COTL1: variants seen among roughly 807,000 people sequenced by gnomAD.
COTL1 encodes the protein coactosin like F-actin binding protein 1, also known as coactosin-like protein.
A neutral mutation model predicts 16.5 loss-of-function variants in COTL1; 15 were observed. That is an observed-to-expected ratio of 0.91 (90% CI 0.61 to 1.40). The LOEUF (loss-of-function observed/expected upper bound fraction) is 1.40, where lower values mean the gene tolerates loss of function less well. COTL1 is among the 40% of genes most tolerant of loss of function. The pLI is 0.00. For synonymous variants in COTL1, 112 were observed against 85.3 expected (o/e 1.31, Z -1.73); for missense variants, 220 against 201.5 (o/e 1.09, Z -0.56).
At chr16:84,607,602 C>A (rs917465903) in intron 2 of COTL1, among the ~76,000 whole-genome samples, 37 of 152,230 alleles carry the variant, frequency 2.4e-4, no homozygotes, top group Non-Finnish European at 5.0e-4. Context: ...AGGTCAGCAT[C>A]GTGTGTGTTG....
intron 2 of COTL1, among the ~76,000 whole-genome samples, chr16:84,598,346 C>A (rs528355796): frequency 1.6e-4 from 25 of 152,144 alleles, no homozygotes; most frequent in Non-Finnish European, 2.8e-4. Context: ...ACCTAGAAGC[C>A]CCAGGCAGGG....
Position 84,590,407 on chromosome 16 carries a change from G to T in COTL1, c.161-145C>A. On this transcript the variant is annotated intron_variant, in intron 2 of 3. Coordinates refer to ENST00000262428, the MANE Select transcript of COTL1 (RefSeq NM_021149.5). This position sits in a 1 kb window ranked among gnomAD's most constrained non-coding sequence, Gnocchi z 5.5. ...GTTCCCTGGGAGCACCATGTGCAGA[G>T]GACAGGAGGGAAGCACTCATCCGCT... The T allele has an allele frequency of 1.2e-6, 1 of 841,854 alleles. No homozygotes were observed. Among genetic ancestry groups the T allele is most frequent in the Non-Finnish European group, 1.8e-6 (1 of 556,462 alleles). The allele number at this position is 841,854 out of a possible 1,614,324, so 52.1% of individuals were successfully genotyped here.
intron 3 of COTL1, among the ~76,000 whole-genome samples, chr16:84,585,304 G>C (rs577077639): frequency 6.8e-6 from 1 of 147,700 alleles, no homozygotes; most frequent in African/African-American, 2.5e-5. Context: ...GCAGTGAGCT[G>C]AGATTGTGCC....
chr16:84,599,831 G>C (rs956573213), intron 2 of COTL1, among the ~76,000 whole-genome samples: 1 of 152,170 alleles, frequency 6.6e-6, no homozygotes, highest in African/African-American at 2.4e-5. Flanking sequence ...TCCCTGGAGC[G>C]AGGATGAAAG....
In COTL1 at chr16:84,590,282, G is replaced by C. The variant is rs1179774266; in HGVS notation, c.161-20C>G. The C allele has an allele frequency of 6.2e-7, 1 of 1,612,440 alleles. No individual in the cohort carries two copies. Among genetic ancestry groups the C allele is most frequent in the African/African-American group, 1.3e-5 (1 of 74,924 alleles). On this transcript the variant is annotated intron_variant, in intron 2 of 3. Coordinates refer to ENST00000262428, the MANE Select transcript of COTL1 (RefSeq NM_021149.5). This position sits in a 1 kb window ranked among gnomAD's most constrained non-coding sequence, Gnocchi z 5.5. ...CGTCATCTGTGGCCAAAAGCGAAAAGAGAACATGGTGCTGCGTTAAAACAC... is the reference window on the plus strand; with the variant it reads ...CGTCATCTGTGGCCAAAAGCGAAAACAGAACATGGTGCTGCGTTAAAACAC...
intron 2 of COTL1, among the ~76,000 whole-genome samples, chr16:84,599,310 G>A (rs1410663899): frequency 6.6e-6 from 1 of 152,206 alleles, no homozygotes; most frequent in Non-Finnish European, 1.5e-5. Flanking sequence ...TCTGCTATGG[G>A]TCGAGCACTG....
rs1184809630 is a variant in COTL1, at chr16:84,566,255, A to G, written c.*590T>C. On this transcript the variant is annotated 3_prime_UTR_variant, in exon 4 of 4. Coordinates refer to ENST00000262428, the MANE Select transcript of COTL1 (RefSeq NM_021149.5). ...GCAATCCTGCCTATGCTGGACATGCATCTTAGGCAACTCCGGATGGAGGTG... is the reference window on the plus strand; with the variant it reads ...GCAATCCTGCCTATGCTGGACATGCGTCTTAGGCAACTCCGGATGGAGGTG... The G allele has an allele frequency of 1.3e-5, 2 of 152,900 alleles. No homozygotes were observed. The highest frequency in any genetic ancestry group is 2.9e-5 in the Non-Finnish European group (2 of 68,282). The allele number at this position is 152,900 out of a possible 1,614,324, so 9.5% of individuals were successfully genotyped here.
intron 2 of COTL1, among the ~76,000 whole-genome samples, chr16:84,599,085 C>A (rs572803035): frequency 8.9e-4 from 134 of 151,184 alleles, no homozygotes; most frequent in South Asian, 3.4e-3. Flanking sequence ...GCCCCTCCCC[C>A]CCTTCCCCCT....
At chr16:84,614,348 G>C (rs968846023) in intron 2 of COTL1, among the ~76,000 whole-genome samples, 1 of 152,140 alleles carries the variant, frequency 6.6e-6, no homozygotes, top group Non-Finnish European at 1.5e-5. Context: ...GGATGAGTGC[G>C]GGGGTGGGAG....
chr16:84,608,824 T>C (rs910618402), intron 2 of COTL1, among the ~76,000 whole-genome samples: 11 of 152,166 alleles, frequency 7.2e-5, no homozygotes, highest in African/African-American at 2.4e-4. Flanking sequence ...GAGAATCGCC[T>C]GAGCTGGGAG....
chr16:84,577,408 C>T (rs1288629606), intron 3 of COTL1, among the ~76,000 whole-genome samples: 1 of 152,142 alleles, frequency 6.6e-6, no homozygotes, highest in African/African-American at 2.4e-5. Context: ...TCACACCCAG[C>T]TATTTTTTGT....
At position 84,590,084 on chromosome 16, in the gene COTL1, G is replaced by A. The variant is rs968585431; in HGVS notation, c.318+21C>T. ...GACCCTTGGCGAGCTTTGACCTCCA[G>A]ACTCTGGAGGAACTCAGTACCTGTA... On this transcript the variant is annotated intron_variant, in intron 3 of 3. Transcript: ENST00000262428. The surrounding 1 kb of genome is among the most constrained non-coding windows in gnomAD (Gnocchi z 5.5). 6.3e-7 allele frequency: 1 copy of A among 1,597,508 alleles called. No homozygotes were observed. Among genetic ancestry groups the A allele is most frequent in the African/African-American group, 1.3e-5 (1 of 74,634 alleles).
At position 84,587,221 on chromosome 16, in the gene COTL1, A is replaced by AG. The variant is rs1378822542; in HGVS notation, c.318+2883dup. Among the ~76,000 whole-genome samples the AG allele has an allele frequency of 6.6e-5, 10 of 152,250 alleles. No homozygotes were observed. The South Asian group carries it at 1.9e-3, about 28-fold the overall frequency. On this transcript the variant is annotated intron_variant, in intron 3 of 3. Coordinates refer to ENST00000262428, the MANE Select transcript of COTL1 (RefSeq NM_021149.5). ...AGGGCTCCCAGGCCAGACAGGGTGC[A>AG]GACAGCAGTGTCAACCAGGAACGCT...
intron 2 of COTL1, among the ~76,000 whole-genome samples, chr16:84,609,956 G>A (rs1036184151): frequency 6.6e-6 from 1 of 152,196 alleles, no homozygotes; most frequent in African/African-American, 2.4e-5. Flanking sequence ...CGTGAGAAGA[G>A]ACTAACACAC....
chr16:84,615,272 G>A (rs1285268757), intron 2 of COTL1, among the ~76,000 whole-genome samples: 1 of 152,248 alleles, frequency 6.6e-6, no homozygotes, highest in African/African-American at 2.4e-5. Flanking sequence ...ACACAGCAGG[G>A]AAGCATTTTT....
chr16:84,610,356 T>C (rs1905295207), intron 2 of COTL1, among the ~76,000 whole-genome samples: 1 of 152,206 alleles, frequency 6.6e-6, no homozygotes, highest in African/African-American at 2.4e-5. Flanking sequence ...CATGGCTGGA[T>C]CCCAGAGTTT....
Position 84,618,051 on chromosome 16 carries a change from A to T in COTL1, c.-137T>A, listed in dbSNP as rs1485468465. 7.5e-6 allele frequency: 2 copies of T among 266,628 alleles called. No individual in the cohort carries two copies. The highest frequency in any genetic ancestry group is 1.2e-5 in the Non-Finnish European group (2 of 168,934). The allele number at this position is 266,628 out of a possible 1,614,324, so 16.5% of individuals were successfully genotyped here. ...TGGCGACGGCTACGCGGCGCCTGCAAGCTGCGAGCGCGGCGGCGGCTTCCA... is the reference window on the plus strand; with the variant it reads ...TGGCGACGGCTACGCGGCGCCTGCATGCTGCGAGCGCGGCGGCGGCTTCCA... On this transcript the variant is annotated 5_prime_UTR_variant, in exon 1 of 4. The change creates a new upstream start codon in the 5' untranslated region. Coordinates refer to ENST00000262428, the MANE Select transcript of COTL1 (RefSeq NM_021149.5).
In COTL1 at chr16:84,589,805, C is replaced by G. The variant is rs905575850; in HGVS notation, c.318+300G>C. 2.6e-5 allele frequency among the ~76,000 whole-genome samples: 4 copies of G among 152,190 alleles called. No homozygotes were observed. The East Asian group carries it at 7.7e-4, about 29-fold the overall frequency. Reference sequence around the variant, plus strand: ...GTAGTGGCCGCTATTCTGGTCCCCCCACCAGTTCCCGTCTCTAGAAGCAAG... The same window carrying G: ...GTAGTGGCCGCTATTCTGGTCCCCCGACCAGTTCCCGTCTCTAGAAGCAAG... On this transcript the variant is annotated intron_variant, in intron 3 of 3. Transcript: ENST00000262428.
chr16:84,589,372 C>T (rs1472943059), intron 3 of COTL1, among the ~76,000 whole-genome samples: 1 of 152,150 alleles, frequency 6.6e-6, no homozygotes, highest in Non-Finnish European at 1.5e-5. Context: ...GCAGTGGTAC[C>T]CCCCGCCCTC....
Sources: gnomAD v4.1 joint callset for allele counts (sites outside exome capture counted in the v4.1 genomes callset) on GRCh38, gnomAD v4.1.1 for gene constraint, Gnocchi (gnomAD v3.1) non-coding constraint, MANE v1.5 for transcripts, NCBI Gene and HGNC (gene_info 2026-07-23, HGNC 2026-07-21) for gene names.